The following KIAA0825 variants were observed in gnomAD, a reference collection of about 807,000 sequenced individuals.
KIAA0825 encodes KIAA0825, also known as uncharacterized protein KIAA0825.
KIAA0825 carries 119 observed loss-of-function variants against 147.6 expected under a neutral mutation model. The observed-to-expected ratio is 0.81, with a 90% CI of 0.69 to 0.94. KIAA0825 has a LOEUF of 0.94. Ranked by LOEUF, KIAA0825 falls within the 40% of genes least tolerant of loss-of-function variation. The probability of loss-of-function intolerance (pLI) is 0.00; values close to 1 mark genes in which losing one functional copy is unlikely to be tolerated. For synonymous variants in KIAA0825, 470 were observed against 518.1 expected (o/e 0.91, Z 1.26); for missense variants, 1,381 against 1,472.7 (o/e 0.94, Z 1.02).
chr5:94,551,691 CTT>C (rs1434955020), intron 2 of KIAA0825, among the ~76,000 whole-genome samples: 3 of 151,896 alleles, frequency 2.0e-5, no homozygotes, highest in African/African-American at 7.3e-5. Context: ...ATATATTGGC[CTT>C]ATATTAAATA....
chr5:94,238,342 A>G (rs1397517954), intron 20 of KIAA0825, among the ~76,000 whole-genome samples: 2 of 152,198 alleles, frequency 1.3e-5, no homozygotes, highest in East Asian at 1.9e-4. Flanking sequence ...GAAAATTTAT[A>G]TTAACAAAAT....
chr5:94,526,640 C>A (rs1216465203), intron 3 of KIAA0825, among the ~76,000 whole-genome samples: 2 of 151,860 alleles, frequency 1.3e-5, no homozygotes, highest in Non-Finnish European at 2.9e-5. Flanking sequence ...AAAAAGATAT[C>A]TATGGTAATT....
intron 1 of KIAA0825, chr5:94,593,155 G>A: frequency 1.3e-6 from 1 of 746,886 alleles, no homozygotes; most frequent in Non-Finnish European, 2.5e-6. Flanking sequence ...GTTTGCTGGT[G>A]AGGCCCACGA....
chr5:94,560,014 C>G (rs1240686083), intron 2 of KIAA0825, among the ~76,000 whole-genome samples: 1 of 152,146 alleles, frequency 6.6e-6, no homozygotes. Context: ...TCTGATACCT[C>G]TAAAAGTCTG....
intron 20 of KIAA0825, among the ~76,000 whole-genome samples, chr5:94,190,237 T>C (rs1770544049): frequency 6.6e-6 from 1 of 152,218 alleles, no homozygotes; most frequent in Admixed American, 6.5e-5. Context: ...ACATCTTTAC[T>C]TCTCCCTTTC....
chr5:94,440,201 G>A, intron 13 of KIAA0825, 80 bp from the exon 14 acceptor site: 2 of 1,326,120 alleles, frequency 1.5e-6, no homozygotes, highest in Non-Finnish European at 2.1e-6. Flanking sequence ...CAGATGTAAT[G>A]CTAACTCCTT....
intron 1 of KIAA0825, among the ~76,000 whole-genome samples, chr5:94,602,306 G>A (rs553733178): frequency 1.3e-5 from 2 of 151,904 alleles, no homozygotes; most frequent in East Asian, 3.9e-4. Context: ...AGCCGAGATC[G>A]TGCCACTGCA....
chr5:94,271,624 T>G (rs994849091), intron 20 of KIAA0825, among the ~76,000 whole-genome samples: 1 of 152,072 alleles, frequency 6.6e-6, no homozygotes, highest in Admixed American at 6.6e-5. Flanking sequence ...GGTGCATACT[T>G]GTAATCCCAG....
At chr5:94,444,538 T>C (rs572451824) in intron 13 of KIAA0825, among the ~76,000 whole-genome samples, 1 of 151,912 alleles carries the variant, frequency 6.6e-6, no homozygotes, top group Non-Finnish European at 1.5e-5. Context: ...GGAGTTCAGG[T>C]TACTTCAAGG....
intron 20 of KIAA0825, among the ~76,000 whole-genome samples, chr5:94,260,260 A>G (rs1327478196): frequency 6.6e-6 from 1 of 152,142 alleles, no homozygotes; most frequent in African/African-American, 2.4e-5. Flanking sequence ...ATAATGGCGC[A>G]ATTTGGAACT....
At chr5:94,574,543 CAAAAAAA>C (rs1181241238) in intron 2 of KIAA0825, among the ~76,000 whole-genome samples, 3 of 65,536 alleles carry the variant, frequency 4.6e-5, no homozygotes, top group African/African-American at 6.5e-5. Flanking sequence ...GACTCCATCT[CAAAAAAA>C]AAAAAAAAAA....
chr5:94,493,950 C>T (rs781632830), intron 5 of KIAA0825, among the ~76,000 whole-genome samples: 23 of 152,120 alleles, frequency 1.5e-4, no homozygotes, highest in Non-Finnish European at 2.8e-4. Flanking sequence ...AAAGGCCCCA[C>T]GTGACAGGGA....
chr5:94,616,371 G>T (rs1331649133), intron 1 of KIAA0825, among the ~76,000 whole-genome samples: 1 of 152,092 alleles, frequency 6.6e-6, no homozygotes, highest in Non-Finnish European at 1.5e-5. Flanking sequence ...GTATTGGGAT[G>T]GGCAGGTTTA....
At chr5:94,438,380 T>G (rs1033227293) in intron 14 of KIAA0825, among the ~76,000 whole-genome samples, 2 of 152,206 alleles carry the variant, frequency 1.3e-5, no homozygotes, top group Admixed American at 1.3e-4. Context: ...AAATGTTGTT[T>G]ATGTGAGGAA....
intron 4 of KIAA0825, among the ~76,000 whole-genome samples, chr5:94,521,763 T>G (rs1291875706): frequency 6.6e-6 from 1 of 151,792 alleles, no homozygotes; most frequent in Non-Finnish European, 1.5e-5. Context: ...GCTTCCATGC[T>G]GACTTTCCTA....
At position 94,185,753 on chromosome 5, in the gene KIAA0825, A is replaced by G. The variant is rs965710541; in HGVS notation, c.3711-31629T>C. ...TTCTTAAAGAGTAGAGATTCAAACC[A>G]TCTGTTCAAGATATTGGCACAGAAA... On this transcript the variant is annotated intron_variant, in intron 20 of 20. Coordinates refer to ENST00000682413, the MANE Select transcript of KIAA0825 (RefSeq NM_001145678.3). 3.9e-5 allele frequency among the ~76,000 whole-genome samples: 6 copies of G among 152,298 alleles called. 1 individual carries two copies. In the South Asian group the frequency reaches 6.2e-4, roughly 16 times the overall value.
chr5:94,411,313 T>C (rs930167505), intron 15 of KIAA0825, among the ~76,000 whole-genome samples: 3 of 151,920 alleles, frequency 2.0e-5, no homozygotes, highest in African/African-American at 7.3e-5. Context: ...GAACAACAAA[T>C]AGAAAGCAAG....
intron 5 of KIAA0825, among the ~76,000 whole-genome samples, chr5:94,488,091 T>G (rs1283958985): frequency 1.3e-5 from 2 of 152,208 alleles, no homozygotes; most frequent in Admixed American, 1.3e-4. Flanking sequence ...ACCCGGCTAA[T>G]TTTTGTGTTT....
rs565358742 is a variant in KIAA0825 at position 94,307,940 on chromosome 5, G to T, written c.3710+76428C>A. ...ACTCTGAGGAAATATTTATTGGTTG[G>T]TATTATAATGTCACATCTTTAATAA... On this transcript the variant is annotated intron_variant, in intron 20 of 20. Coordinates refer to ENST00000682413, the MANE Select transcript of KIAA0825 (RefSeq NM_001145678.3). Among the ~76,000 whole-genome samples the T allele has an allele frequency of 5.9e-5, 9 of 151,768 alleles. No individual in the cohort carries two copies. In the South Asian group the frequency reaches 1.9e-3, roughly 32 times the overall value.
Sources: allele counts gnomAD v4.1 joint callset (sites outside exome capture counted in the v4.1 genomes callset), GRCh38; gene constraint gnomAD v4.1.1; transcripts MANE v1.5; gene names NCBI Gene and HGNC (gene_info 2026-07-23, HGNC 2026-07-21).